SULF1: variants seen among roughly 807,000 people sequenced by gnomAD.
The protein encoded by SULF1 is extracellular sulfatase Sulf-1.
Under a neutral mutation model 110.5 loss-of-function variants are expected in SULF1, and 46 were observed. The observed-to-expected ratio is 0.42, with a 90% CI of 0.33 to 0.53. The LOEUF (loss-of-function observed/expected upper bound fraction) is 0.53. SULF1 is among the 20% of genes least tolerant of loss of function. SULF1 has a pLI of 0.12. For synonymous variants in SULF1, 371 were observed against 387.1 expected (o/e 0.96, Z 0.49); for missense variants, 941 against 1,094.2 (o/e 0.86, Z 1.98).
intron 17 of SULF1, 110 bp from the exon 18 acceptor site, chr8:69,628,057 ATACT>A (rs1166318107): frequency 5.0e-6 from 5 of 999,748 alleles, no homozygotes; most frequent in South Asian, 1.5e-5. Flanking sequence ...TTCAGCTAAA[ATACT>A]TACAACATCA....
At chr8:69,632,479 C>T (rs1810650922) in intron 19 of SULF1, among the ~76,000 whole-genome samples, 1 of 151,874 alleles carries the variant, frequency 6.6e-6, no homozygotes, top group African/African-American at 2.4e-5. Context: ...TTTTCTATTA[C>T]ATATTTTAAT....
intron 22 of SULF1, among the ~76,000 whole-genome samples, chr8:69,649,386 A>T (rs189393023): frequency 6.6e-6 from 1 of 152,320 alleles, no homozygotes; most frequent in East Asian, 1.9e-4. Context: ...ACATTCTCTT[A>T]CATAACTGTT....
rs1162132727 is a variant in SULF1 at position 69,472,833 on chromosome 8, TTTTAA to T, written c.-391+5897_-391+5901del. Among the ~76,000 whole-genome samples, 3 of 152,266 alleles carry T rather than the reference TTTTAA, an allele frequency of 2.0e-5. No homozygotes were observed. The East Asian group carries it at 5.8e-4, about 29-fold the overall frequency. On this transcript the variant is annotated intron_variant, in intron 1 of 22. Coordinates refer to the SULF1 transcript ENST00000260128. ...ACAGTAGTGTATTAAACTTTTTAAA[TTTTAA>T]TTTAATTTAATTTTTTGAGACAATG...
intron 3 of SULF1, among the ~76,000 whole-genome samples, chr8:69,530,635 A>G (rs1190246521): frequency 1.3e-5 from 2 of 152,130 alleles, no homozygotes; most frequent in Non-Finnish European, 2.9e-5. Flanking sequence ...CTTTTCCTCT[A>G]CCGTAGTAAC....
chr8:69,500,697 A>G (rs1225235531), intron 2 of SULF1, among the ~76,000 whole-genome samples: 2 of 152,206 alleles, frequency 1.3e-5, no homozygotes, highest in African/African-American at 2.4e-5. Context: ...AAGTTCTTCT[A>G]GAACTCCCCA....
At chr8:69,649,585 G>A (rs934713914) in intron 22 of SULF1, among the ~76,000 whole-genome samples, 1 of 152,106 alleles carries the variant, frequency 6.6e-6, no homozygotes, top group African/African-American at 2.4e-5. Context: ...TCTTTTATCT[G>A]GAACAGTTCC....
Position 69,544,850 on chromosome 8 carries a change from G to C in SULF1, c.-133-18689G>C, listed in dbSNP as rs565174374. Among the ~76,000 whole-genome samples the C allele has an allele frequency of 2.5e-3, 381 of 151,640 alleles. 3 individuals carry two copies. The highest frequency in any genetic ancestry group is 9.0e-3 in the African/African-American group (373 of 41,414). On this transcript the variant is annotated intron_variant, in intron 3 of 22. Transcript: ENST00000402687. ...GGTAAGAAAATATAGAATATTTTTA[G>C]CAATATTTTCTGAAAATACTGAAAT...
chr8:69,603,499 C>G, intron 11 of SULF1, 101 bp from the exon 12 acceptor site: 1 of 1,312,624 alleles, frequency 7.6e-7, no homozygotes, highest in Non-Finnish European at 1.1e-6. Flanking sequence ...CACTCATGGT[C>G]TGTGGGAAGT....
intron 3 of SULF1, among the ~76,000 whole-genome samples, chr8:69,554,270 C>G (rs1046859061): frequency 6.6e-6 from 1 of 152,198 alleles, no homozygotes; most frequent in Non-Finnish European, 1.5e-5. Context: ...ACTGGTCCAC[C>G]TATAAACATC....
At chr8:69,544,980 T>C (rs1018792295) in intron 3 of SULF1, among the ~76,000 whole-genome samples, 5 of 152,154 alleles carry the variant, frequency 3.3e-5, no homozygotes, top group African/African-American at 1.2e-4. Flanking sequence ...TGTGTGAAGA[T>C]TCTAGGCTTT....
At chr8:69,493,621 T>C (rs1810104877) in intron 1 of SULF1, among the ~76,000 whole-genome samples, 1 of 152,232 alleles carries the variant, frequency 6.6e-6, no homozygotes, top group African/African-American at 2.4e-5. Flanking sequence ...TGAAAGTTTC[T>C]TTTCACACTA....
At chr8:69,610,569 AT>A (rs1451568014) in intron 13 of SULF1, among the ~76,000 whole-genome samples, 1 of 152,200 alleles carries the variant, frequency 6.6e-6, no homozygotes, top group African/African-American at 2.4e-5. Flanking sequence ...GCATGGGTCC[AT>A]TGTGGACCAC....
intron 19 of SULF1, among the ~76,000 whole-genome samples, chr8:69,630,912 C>T (rs993481153): frequency 6.6e-6 from 1 of 152,044 alleles, no homozygotes; most frequent in Non-Finnish European, 1.5e-5. Flanking sequence ...TGGTGTGCTG[C>T]ACCCATTAAC....
At chr8:69,602,530 A>G (rs1807906551) in intron 10 of SULF1, among the ~76,000 whole-genome samples, 1 of 152,256 alleles carries the variant, frequency 6.6e-6, no homozygotes, top group Non-Finnish European at 1.5e-5. Context: ...CTGATGTAAC[A>G]GTGAAGCTAG....
chr8:69,491,870 CAG>C (rs1185363857), upstream of SULF1, among the ~76,000 whole-genome samples: 7 of 152,038 alleles, frequency 4.6e-5, 1 homozygote, highest in Non-Finnish European at 1.0e-4. Context: ...AACAGAGAAA[CAG>C]AGTCACACGG....
intron 22 of SULF1, among the ~76,000 whole-genome samples, chr8:69,648,081 G>T (rs1812064168): frequency 6.7e-6 from 1 of 149,186 alleles, no homozygotes; most frequent in Non-Finnish European, 1.5e-5. Flanking sequence ...CAAGTAGCAT[G>T]AAAATCACCC....
intron 19 of SULF1, among the ~76,000 whole-genome samples, chr8:69,637,234 A>G (rs1000829297): frequency 6.6e-5 from 10 of 152,192 alleles, no homozygotes; most frequent in African/African-American, 2.4e-4. Flanking sequence ...GATCAGCTTC[A>G]ATGATTGCTC....
chr8:69,569,839 C>T (rs1805099718), intron 5 of SULF1, among the ~76,000 whole-genome samples: 1 of 151,960 alleles, frequency 6.6e-6, no homozygotes, highest in Admixed American at 6.6e-5. Context: ...CTTCTTCTCC[C>T]AACTACCTTT....
intron 6 of SULF1, among the ~76,000 whole-genome samples, chr8:69,581,886 C>T (rs749447839): frequency 4.9e-4 from 74 of 152,190 alleles, no homozygotes; most frequent in Non-Finnish European, 1.3e-4. Flanking sequence ...ACCCAAGGCC[C>T]CCATCAGCCT....
Sources: gnomAD v4.1 joint callset for allele counts (sites outside exome capture counted in the v4.1 genomes callset) on GRCh38, gnomAD v4.1.1 for gene constraint, MANE v1.5 for transcripts, NCBI Gene and HGNC (gene_info 2026-07-23, HGNC 2026-07-21) for gene names.